The following HIVEP3 variants were observed in gnomAD, a reference collection of about 807,000 sequenced individuals.
HIVEP3 encodes the protein transcription factor HIVEP3.
A neutral mutation model predicts 152.8 loss-of-function variants in HIVEP3; 49 were observed. That is an observed-to-expected ratio of 0.32 (90% CI 0.26 to 0.41). The LOEUF is 0.41. HIVEP3 is among the 10% of genes least tolerant of loss of function. The pLI, the probability that HIVEP3 is intolerant of heterozygous loss-of-function variation, is 1.00. For missense variants in HIVEP3, 2,790 were observed against 3,103.3 expected (o/e 0.90, Z 2.40); for synonymous variants, 1,269 against 1,289.0 (o/e 0.98, Z 0.33).
At chr1:41,944,664 G>A (rs1217694367) in intron 1 of HIVEP3, among the ~76,000 whole-genome samples, 1 of 152,114 alleles carries the variant, frequency 6.6e-6, no homozygotes, top group Non-Finnish European at 1.5e-5. Context: ...GTCAAGAAAG[G>A]CAGGAAAAGG....
chr1:41,784,370 A>T (rs1649224798), intron 1 of HIVEP3, among the ~76,000 whole-genome samples: 1 of 152,266 alleles, frequency 6.6e-6, no homozygotes, highest in African/African-American at 2.4e-5. Flanking sequence ...TAAAGAAAAT[A>T]AGCTATTAAA....
chr1:41,514,991 A>G (rs940911824), intron 7 of HIVEP3, among the ~76,000 whole-genome samples: 5 of 152,194 alleles, frequency 3.3e-5, no homozygotes, highest in Non-Finnish European at 5.9e-5. Context: ...TCTGAAATGG[A>G]CAGCAATCCG....
At chr1:41,851,943 G>T (rs1245402975) in intron 1 of HIVEP3, among the ~76,000 whole-genome samples, 4 of 152,250 alleles carry the variant, frequency 2.6e-5, no homozygotes, top group Non-Finnish European at 4.4e-5. Flanking sequence ...AAAAAGTCAT[G>T]TAAATCTCTC....
In HIVEP3 at chr1:41,507,983, C is replaced by T. The variant is rs568917827; in HGVS notation, c.*2468G>A. 1 of 152,422 alleles carries T rather than the reference C, an allele frequency of 6.6e-6. No individual in the cohort carries two copies. Among genetic ancestry groups the T allele is most frequent in the East Asian group, 1.9e-4 (1 of 5,186 alleles). 9.4% of individuals were successfully genotyped at this position (152,422 alleles called of 1,614,324 possible). ...GGCCCCTGTGGCTTCTCTGCCTGAGCCTGACGGGCCCGGTGACTGCCGGGC... is the reference window on the plus strand; with the variant it reads ...GGCCCCTGTGGCTTCTCTGCCTGAGTCTGACGGGCCCGGTGACTGCCGGGC... On this transcript the variant is annotated 3_prime_UTR_variant, in exon 9 of 9. Coordinates refer to ENST00000372583, the MANE Select transcript of HIVEP3 (RefSeq NM_024503.5).
At chr1:41,647,647 C>T (rs1202919188) in intron 2 of HIVEP3, among the ~76,000 whole-genome samples, 5 of 152,216 alleles carry the variant, frequency 3.3e-5, no homozygotes, top group Admixed American at 3.3e-4. Context: ...CTGGCTCCAG[C>T]AGGGGGAACA....
At chr1:42,021,800 T>C (rs1405360301) in intron 1 of HIVEP3, among the ~76,000 whole-genome samples, 1 of 152,228 alleles carries the variant, frequency 6.6e-6, no homozygotes, top group East Asian at 1.9e-4. Flanking sequence ...TTCTGAATTC[T>C]TTACTCTGCT....
intron 2 of HIVEP3, among the ~76,000 whole-genome samples, chr1:41,686,786 G>A (rs1211741507): frequency 1.3e-5 from 2 of 152,144 alleles, no homozygotes; most frequent in Non-Finnish European, 2.9e-5. Flanking sequence ...TCTGTGAAAA[G>A]GGAGAATAAT....
chr1:41,750,978 T>A (rs1647151828), intron 1 of HIVEP3, among the ~76,000 whole-genome samples: 1 of 152,072 alleles, frequency 6.6e-6, no homozygotes, highest in Admixed American at 6.5e-5. Context: ...CCTCCCAAAG[T>A]GCTGGGATTA....
intron 1 of HIVEP3, among the ~76,000 whole-genome samples, chr1:41,810,326 A>G (rs960749809): frequency 1.3e-5 from 2 of 152,198 alleles, no homozygotes; most frequent in African/African-American, 4.8e-5. Flanking sequence ...GCGATCAACC[A>G]CTTGTAAGAA....
At chr1:41,883,695 G>A (rs964313055) in intron 1 of HIVEP3, among the ~76,000 whole-genome samples, 2 of 152,182 alleles carry the variant, frequency 1.3e-5, no homozygotes, top group Non-Finnish European at 2.9e-5. Context: ...TGCAGAATGT[G>A]ATAGCAAGTT....
intron 1 of HIVEP3, among the ~76,000 whole-genome samples, chr1:41,845,419 GCACACACACACACACACACA>G (rs3032007): frequency 2.2e-5 from 3 of 136,074 alleles, no homozygotes; most frequent in African/African-American, 8.7e-5. Flanking sequence ...ACACACACAC[GCACACACACACACACACACA>G]CACACACACA....
rs201752104 is a variant in HIVEP3, at chr1:41,743,356, C to A, written c.-800-42361G>T. 1.4e-4 allele frequency among the ~76,000 whole-genome samples: 22 copies of A among 152,334 alleles called. No homozygotes were observed. The East Asian group carries it at 4.0e-3, about 28-fold the overall frequency. The stretch of plus-strand genomic sequence containing the variant: ...TAAGCTTTGTAAGTAAAGGAAAGAA[C>A]CTTGTCTGTCTCTTTCAGTGCTACC... On this transcript the variant is annotated intron_variant, in intron 1 of 8. Coordinates refer to ENST00000372583, the MANE Select transcript of HIVEP3 (RefSeq NM_024503.5).
At position 41,579,757 on chromosome 1, in the gene HIVEP3, G is replaced by A. The variant is rs201327347; in HGVS notation, c.5041C>T (p.Arg1681Cys). The A allele has an allele frequency of 7.5e-5, 119 of 1,585,486 alleles. No homozygotes were observed. In the East Asian group the frequency reaches 1.3e-3, roughly 17 times the overall value. Reference protein sequence around the residue: ...EAGRLVPSSSRKPRMTEVHLP... With the variant: ...EAGRLVPSSSCKPRMTEVHLP... Reference sequence around the variant, plus strand: ...CTTACCTCTGTCATGCGGGGCTTGCGGGAGCTGGATGGCACAAGCCTTCCT... The same window carrying A: ...CTTACCTCTGTCATGCGGGGCTTGCAGGAGCTGGATGGCACAAGCCTTCCT... The change falls in exon 4 of 9, where the codon CGC (arginine) becomes TGC (cysteine). Residue 1681 changes from arginine (R) to cysteine (C), a missense_variant. By Grantham distance (180) the Arg-to-Cys change is radical. Transcript: ENST00000372583.
intron 4 of HIVEP3, among the ~76,000 whole-genome samples, chr1:41,577,457 C>A (rs1287413732): frequency 6.6e-6 from 1 of 152,128 alleles, no homozygotes; most frequent in Non-Finnish European, 1.5e-5. Context: ...AGTCCTTGTT[C>A]TTAATCACTT....
At chr1:41,731,896 C>T (rs1440230497) in intron 1 of HIVEP3, among the ~76,000 whole-genome samples, 1 of 152,246 alleles carries the variant, frequency 6.6e-6, no homozygotes, top group African/African-American at 2.4e-5. Context: ...TAATTTACCA[C>T]ATGCAATAGA....
chr1:41,743,836 G>A (rs1647031319), intron 1 of HIVEP3, among the ~76,000 whole-genome samples: 1 of 152,112 alleles, frequency 6.6e-6, no homozygotes, highest in Admixed American at 6.6e-5. Flanking sequence ...TTGCGTAAAT[G>A]TGGGCAAACC....
chr1:41,841,428 C>T (rs990742011), intron 1 of HIVEP3, among the ~76,000 whole-genome samples: 1 of 152,210 alleles, frequency 6.6e-6, no homozygotes, highest in Non-Finnish European at 1.5e-5. Context: ...GCAAAGCCTC[C>T]GGAGCCGAAT....
chr1:41,663,390 C>T (rs567721858), intron 2 of HIVEP3, among the ~76,000 whole-genome samples: 1 of 152,372 alleles, frequency 6.6e-6, no homozygotes, highest in South Asian at 2.1e-4. Context: ...TTTAACCAAG[C>T]ACTCCCTTTC....
At chr1:41,673,656 T>C (rs1645911104) in intron 2 of HIVEP3, among the ~76,000 whole-genome samples, 1 of 152,218 alleles carries the variant, frequency 6.6e-6, no homozygotes, top group African/African-American at 2.4e-5. Flanking sequence ...AAGATTGTGT[T>C]AGCTTCTCAA....
Sources: allele counts gnomAD v4.1 joint callset (sites outside exome capture counted in the v4.1 genomes callset), GRCh38; gene constraint gnomAD v4.1.1; transcripts MANE v1.5; gene names NCBI Gene and HGNC (gene_info 2026-07-23, HGNC 2026-07-21).